The following SHISA5 variants were observed in gnomAD, a reference collection of about 807,000 sequenced individuals.
SHISA5 encodes shisa family member 5.
Under a neutral mutation model 27.5 loss-of-function variants are expected in SHISA5, and 21 were observed. The ratio of observed to expected loss-of-function variants is 0.76; its 90% CI spans 0.54 to 1.10. The LOEUF (loss-of-function observed/expected upper bound fraction) is 1.10, where lower values mean the gene tolerates loss of function less well. Among genes scored for constraint, SHISA5 ranks in the 50% least tolerant of loss-of-function variants. The probability of loss-of-function intolerance (pLI) is 0.00; values close to 1 mark genes in which losing one functional copy is unlikely to be tolerated. For missense variants in SHISA5, 314 were observed against 336.3 expected, an observed-to-expected ratio of 0.93 and a Z score of 0.52; for synonymous variants, 137 against 142.2, an observed-to-expected ratio of 0.96 and a Z score of 0.26.
chr3:48,503,962 C>T, intron 1 of SHISA5, 57 bp downstream of exon 1: 1 of 1,434,778 alleles, frequency 7.0e-7, no homozygotes, highest in Non-Finnish European at 9.2e-7. Context: ...AGAGGCAGCG[C>T]GGGGAAGTGT....
chr3:48,483,410 G>C (rs981255012), intron 2 of SHISA5, among the ~76,000 whole-genome samples: 4 of 152,070 alleles, frequency 2.6e-5, no homozygotes, highest in Non-Finnish European at 4.4e-5. Context: ...TGGGGGTAAG[G>C]TCATAGATCA....
intron 3 of SHISA5, among the ~76,000 whole-genome samples, chr3:48,475,736 C>A (rs2040802841): frequency 6.6e-6 from 1 of 152,188 alleles, no homozygotes; most frequent in African/African-American, 2.4e-5. Context: ...CTTAGAAACC[C>A]AACAGTCTTG....
In SHISA5 at chr3:48,501,158, C is replaced by A; in HGVS notation, c.212G>T (p.Arg71Met). Residue 71 changes from arginine (R) to methionine (M), a missense_variant, in exon 2 of 6, where the codon AGG (arginine) becomes ATG (methionine). Physicochemically the swap from Arg to Met is moderately conservative, Grantham distance 91. Transcript: ENST00000296444. ...CCACCTGGCCTCAGGCACAGCACAC[C>A]TTTCCTCGCTCCACACAAATTTCTT... ...VLKKFVWSEE[R>M]CAVPEASVPA... The A allele has an allele frequency of 6.2e-7, 1 of 1,612,374 alleles. No homozygotes were observed. Among genetic ancestry groups the A allele is most frequent in the Non-Finnish European group, 8.5e-7 (1 of 1,179,274 alleles).
At chr3:48,472,043 CG>C in intron 3 of SHISA5, among the ~76,000 whole-genome samples, 1 of 151,304 alleles carries the variant, frequency 6.6e-6, no homozygotes, top group East Asian at 1.9e-4. Flanking sequence ...ATTAGCAGGG[CG>C]TAGTGGCGCA....
intron 2 of SHISA5, among the ~76,000 whole-genome samples, chr3:48,485,717 G>A (rs188484734): frequency 3.1e-4 from 47 of 150,526 alleles, no homozygotes; most frequent in African/African-American, 1.1e-3. Flanking sequence ...AAGCTTCAGA[G>A]AGCAATGGAA....
intron 2 of SHISA5, among the ~76,000 whole-genome samples, chr3:48,486,571 TTATATATTATATATTATATA>T (rs2041254020): frequency 7.9e-6 from 1 of 127,094 alleles, no homozygotes; most frequent in Admixed American, 1.0e-4. Context: ...ATTATAGATT[TTATATATTATATATTATATA>T]TATAGATTAT....
In SHISA5 at chr3:48,473,198, T is replaced by C; in HGVS notation, c.315-3355A>G. The C allele has an allele frequency of 1.4e-6, 2 of 1,430,142 alleles. No individual in the cohort carries two copies. The highest frequency in any genetic ancestry group is 9.1e-7 in the Non-Finnish European group (1 of 1,095,486). The allele number at this position is 1,430,142 out of a possible 1,614,324, so 88.6% of individuals were successfully genotyped here. The stretch of plus-strand genomic sequence containing the variant: ...GTTCCACCCTCTTAAAGACACAGGA[T>C]GGCCCCGCCCAGCAGCCGGCTAGCA... On this transcript the variant is annotated intron_variant, in intron 3 of 5. Coordinates refer to ENST00000296444, the MANE Select transcript of SHISA5 (RefSeq NM_016479.6). This position sits in a 1 kb window ranked among gnomAD's most constrained non-coding sequence, Gnocchi z 4.3.
intron 3 of SHISA5, among the ~76,000 whole-genome samples, chr3:48,475,060 C>T (rs905242547): frequency 1.3e-5 from 2 of 152,114 alleles, no homozygotes; most frequent in East Asian, 1.9e-4. Flanking sequence ...ATACAGCTTT[C>T]GGCCACCACT....
chr3:48,472,991 G>C, intron 3 of SHISA5: 1 of 1,534,738 alleles, frequency 6.5e-7, no homozygotes, highest in East Asian at 2.4e-5. Flanking sequence ...CACACACGCA[G>C]CATGGCGCCC....
At position 48,469,116 on chromosome 3, in the gene SHISA5, C is replaced by A. The variant is rs1334603640; in HGVS notation, c.714G>T (p.Ala238=). ...YNPAYMDAPK[A]AL is the part of the protein sequence containing the mutation. ...AGAGGCCAGGGAATGCTCAGAGGGC[C>A]GCCTTCGGGGCATCCATGTAGGCCG... The change falls in exon 6 of 6, where the codon GCG becomes GCT. Residue 238 remains alanine (A), a synonymous_variant. Coordinates refer to ENST00000296444, the MANE Select transcript of SHISA5 (RefSeq NM_016479.6). This position sits in a 1 kb window ranked among gnomAD's most constrained non-coding sequence, Gnocchi z 4.6. 1 of 1,613,032 alleles carries A rather than the reference C, an allele frequency of 6.2e-7. No homozygotes were observed. Among genetic ancestry groups the A allele is most frequent in the Non-Finnish European group, 8.5e-7 (1 of 1,180,024 alleles).
rs751631585 is a variant in SHISA5, at chr3:48,469,405, G to T, written c.599C>A (p.Pro200Gln). 6.2e-7 allele frequency: 1 copy of T among 1,607,984 alleles called. No individual in the cohort carries two copies. The highest frequency in any genetic ancestry group is 2.2e-5 in the East Asian group (1 of 44,768). ...PYPMQYPPPYPAQPMGPPAYH... is the reference protein window; with the variant it reads ...PYPMQYPPPYQAQPMGPPAYH... ...GGCCGGTGGGCCCATGGGCTGGGCT[G>T]GGTAAGGTGGTGGGTACTGCATTGG... The change falls in exon 5 of 6, where the codon CCA becomes CAA. Residue 200 changes from proline to glutamine, a missense_variant. Physicochemically the swap from Pro to Gln is moderately conservative, Grantham distance 76 (BLOSUM62 -1). Coordinates refer to ENST00000296444, the MANE Select transcript of SHISA5 (RefSeq NM_016479.6). The surrounding 1 kb of genome is among the most constrained non-coding windows in gnomAD (Gnocchi z 4.6).
chr3:48,492,641 G>A (rs1382142344), intron 2 of SHISA5, among the ~76,000 whole-genome samples: 2 of 147,932 alleles, frequency 1.4e-5, no homozygotes, highest in African/African-American at 2.7e-5. Context: ...AGGAAGCTGA[G>A]AAGCTGAAGA....
rs764320375 is a variant in SHISA5 at position 48,469,567 on chromosome 3, A to G, written c.437T>C (p.Val146Ala). ...CACAGTGGTGGATGTGGTGGTGGTG[A>G]CAACCGCTGCAAAGAGAATTCCAGT... ...YKTCRRPRPV[V>A]TTTTSTTVVH... is the part of the protein sequence containing the mutation. The change falls in exon 5 of 6, where the codon GTC becomes GCC. Residue 146 changes from valine (V) to alanine (A), a missense_variant. Coordinates refer to ENST00000296444, the MANE Select transcript of SHISA5 (RefSeq NM_016479.6). This position sits in a 1 kb window ranked among gnomAD's most constrained non-coding sequence, Gnocchi z 4.6. The G allele has an allele frequency of 6.2e-7, 1 of 1,605,620 alleles. No individual in the cohort carries two copies. The highest frequency in any genetic ancestry group is 1.7e-4 in the Middle Eastern group (1 of 6,018).
In SHISA5 at chr3:48,473,282, C is replaced by T. The variant is rs2040709282; in HGVS notation, c.315-3439G>A. 1 of 1,393,526 alleles carries T rather than the reference C, an allele frequency of 7.2e-7. No homozygotes were observed. The highest frequency in any genetic ancestry group is 1.5e-5 in the African/African-American group (1 of 68,708). 86.3% of individuals were successfully genotyped at this position (1,393,526 alleles called of 1,614,324 possible). ...GGGGAAGCAGAGGTGCCCCATTTGC[C>T]TCCCAGAGCTGCCTCCCTGAGCCAA... On this transcript the variant is annotated intron_variant, in intron 3 of 5. Coordinates refer to ENST00000296444, the MANE Select transcript of SHISA5 (RefSeq NM_016479.6). The surrounding 1 kb of genome is among the most constrained non-coding windows in gnomAD (Gnocchi z 4.3).
At position 48,503,999 on chromosome 3, in the gene SHISA5, CG is replaced by C. The variant is rs879385409; in HGVS notation, c.76+19del. ...TGCCCGGTCCCAGGGCAGGACGGGCCGCCCCCACCCCCGGCTCACCACCCGG... is the reference window on the plus strand; with the variant it reads ...TGCCCGGTCCCAGGGCAGGACGGGCCCCCCCACCCCCGGCTCACCACCCGG... On this transcript the variant is annotated intron_variant, in intron 1 of 5. Coordinates refer to ENST00000296444, the MANE Select transcript of SHISA5 (RefSeq NM_016479.6). 39 of 1,458,656 alleles carry C rather than the reference CG, an allele frequency of 2.7e-5. No individual in the cohort carries two copies. In the Middle Eastern group the frequency reaches 9.0e-4, roughly 34 times the overall value. 90.4% of individuals were successfully genotyped at this position (1,458,656 alleles called of 1,614,324 possible). A position where few individuals can be genotyped will look rare whatever the true frequency, so the allele number is the denominator to read the frequency against.
intron 2 of SHISA5, among the ~76,000 whole-genome samples, chr3:48,486,287 GTATTATA>G (rs1456137302): frequency 0.027 from 23 of 840 alleles, no homozygotes; most frequent in Non-Finnish European, 0.048. Context: ...AACATATAAT[GTATTATA>G]TATTATATAT....
intron 2 of SHISA5, among the ~76,000 whole-genome samples, chr3:48,495,847 A>G (rs2041534003): frequency 6.8e-6 from 1 of 147,434 alleles, no homozygotes; most frequent in African/African-American, 2.7e-5. Flanking sequence ...GTATCAATAA[A>G]CAATTAGAAA....
At position 48,485,233 on chromosome 3, in the gene SHISA5, C is replaced by T. The variant is rs547006110; in HGVS notation, c.234-5976G>A. 5.9e-4 allele frequency among the ~76,000 whole-genome samples: 90 copies of T among 151,942 alleles called. 1 individual carries two copies. The highest frequency in any genetic ancestry group is 6.8e-3 in the Middle Eastern group (2 of 292). ...GTGTGAGACCGGGCACGGTGGCTCA[C>T]GCCTGTAATCCCAGCACTTTGGGAG... On this transcript the variant is annotated intron_variant, in intron 2 of 5. Transcript: ENST00000296444.
intron 3 of SHISA5, among the ~76,000 whole-genome samples, chr3:48,474,442 T>G (rs1287610046): frequency 2.0e-5 from 3 of 151,946 alleles, no homozygotes; most frequent in Non-Finnish European, 4.4e-5. Flanking sequence ...GTTCAAGTGA[T>G]TCTCGTGCCT....
Sources: allele counts gnomAD v4.1 joint callset (sites outside exome capture counted in the v4.1 genomes callset), GRCh38; gene constraint gnomAD v4.1.1; non-coding constraint Gnocchi (gnomAD v3.1); transcripts MANE v1.5; gene names NCBI Gene and HGNC (gene_info 2026-07-23, HGNC 2026-07-21).